The following CACHD1 variants were observed in gnomAD, a reference collection of about 807,000 sequenced individuals.
CACHD1 encodes the protein VWFA and cache domain-containing protein 1.
A neutral mutation model predicts 138.7 loss-of-function variants in CACHD1; 71 were observed. The ratio of observed to expected loss-of-function variants is 0.51; its 90% CI spans 0.42 to 0.62. The LOEUF is 0.62. Among genes scored for constraint, CACHD1 ranks in the 20% least tolerant of loss-of-function variants. CACHD1 has a pLI of 0.00. For synonymous variants in CACHD1, 578 were observed against 591.5 expected (o/e 0.98, Z 0.33); for missense variants, 1,389 against 1,625.3 (o/e 0.85, Z 2.50).
intron 1 of CACHD1, among the ~76,000 whole-genome samples, chr1:64,503,410 CAA>C (rs1359823037): frequency 6.6e-6 from 1 of 152,068 alleles, no homozygotes; most frequent in African/African-American, 2.4e-5. Flanking sequence ...CAAAACAAAA[CAA>C]AACTCCAAAA....
chr1:64,609,183 C>G (rs991630155), intron 4 of CACHD1, among the ~76,000 whole-genome samples: 22 of 152,150 alleles, frequency 1.4e-4, no homozygotes, highest in African/African-American at 5.3e-4. Flanking sequence ...ATAGGTTTTT[C>G]TCTTTAAAAT....
chr1:64,494,979 G>A (rs566550468), intron 1 of CACHD1, among the ~76,000 whole-genome samples: 1 of 152,114 alleles, frequency 6.6e-6, no homozygotes, highest in Non-Finnish European at 1.5e-5. Context: ...TTTGCTGTTG[G>A]CATAAATCTT....
chr1:64,533,005 G>T (rs921568110), intron 1 of CACHD1, among the ~76,000 whole-genome samples: 13 of 151,962 alleles, frequency 8.6e-5, no homozygotes, highest in African/African-American at 1.7e-4. Context: ...GAATTCTGTA[G>T]GATTAGGACA....
chr1:64,681,374 G>A, intron 25 of CACHD1, 39 bp downstream of exon 25: 2 of 1,465,944 alleles, frequency 1.4e-6, no homozygotes, highest in Non-Finnish European at 1.9e-6. Flanking sequence ...TGTGTCAGCA[G>A]GAGGCTAATC....
intron 13 of CACHD1, 102 bp downstream of exon 13, chr1:64,658,975 G>T: frequency 2.0e-6 from 2 of 1,000,906 alleles, no homozygotes; most frequent in Non-Finnish European, 2.8e-6. Flanking sequence ...GATACTGAAT[G>T]CCTGCAGAGT....
chr1:64,543,397 A>G (rs1646692012), intron 1 of CACHD1, among the ~76,000 whole-genome samples: 2 of 79,672 alleles, frequency 2.5e-5, no homozygotes, highest in Admixed American at 3.8e-4. Flanking sequence ...CTCTAAAAAA[A>G]AATACATATA....
At chr1:64,675,364 GCTGT>G (rs1649950163) in intron 19 of CACHD1, 33 bp from the exon 20 acceptor site, 1 of 1,513,368 alleles carries the variant, frequency 6.6e-7, no homozygotes, top group East Asian at 2.3e-5. Flanking sequence ...TCTTTGCATT[GCTGT>G]CTGTCATTTC....
At chr1:64,568,565 C>G (rs1021604992) in intron 2 of CACHD1, among the ~76,000 whole-genome samples, 1 of 152,148 alleles carries the variant, frequency 6.6e-6, no homozygotes, top group Non-Finnish European at 1.5e-5. Context: ...TTGGAGCCAT[C>G]TTGTTTCTAT....
At chr1:64,687,289 T>C (rs945900531) in intron 26 of CACHD1, among the ~76,000 whole-genome samples, 3 of 152,348 alleles carry the variant, frequency 2.0e-5, no homozygotes, top group South Asian at 2.1e-4. Context: ...ATTAATTTGT[T>C]GAATACGAAA....
At chr1:64,670,831 G>C (rs1161819368) in intron 16 of CACHD1, among the ~76,000 whole-genome samples, 1 of 152,138 alleles carries the variant, frequency 6.6e-6, no homozygotes, top group Non-Finnish European at 1.5e-5. Context: ...AACTTAGAAA[G>C]GTGAAACAGC....
intron 26 of CACHD1, 30 bp from the exon 27 acceptor site, chr1:64,691,293 A>G: frequency 6.3e-7 from 1 of 1,599,560 alleles, no homozygotes; most frequent in Non-Finnish European, 8.6e-7. Context: ...TGAAGCTCTC[A>G]GCTGTGTGTT....
At chr1:64,500,829 C>A (rs1646335544) in intron 1 of CACHD1, among the ~76,000 whole-genome samples, 1 of 151,722 alleles carries the variant, frequency 6.6e-6, no homozygotes, top group Non-Finnish European at 1.5e-5. Flanking sequence ...GGGTGGATCA[C>A]CTGAGCTCAG....
At chr1:64,589,662 T>C (rs1647082380) in intron 3 of CACHD1, among the ~76,000 whole-genome samples, 1 of 152,124 alleles carries the variant, frequency 6.6e-6, no homozygotes, top group Non-Finnish European at 1.5e-5. Flanking sequence ...ACAGAACGTC[T>C]GTCATTGTTC....
intron 19 of CACHD1, among the ~76,000 whole-genome samples, chr1:64,674,464 C>T (rs1222256505): frequency 6.6e-6 from 1 of 152,180 alleles, no homozygotes; most frequent in Non-Finnish European, 1.5e-5. Flanking sequence ...AGATACTTCT[C>T]AAAAGGCAAA....
At chr1:64,609,982 C>T (rs536400991) in intron 4 of CACHD1, among the ~76,000 whole-genome samples, 1 of 150,468 alleles carries the variant, frequency 6.6e-6, no homozygotes, top group South Asian at 2.1e-4. Flanking sequence ...AACTTACAAT[C>T]ATGACTGAAG....
intron 22 of CACHD1, among the ~76,000 whole-genome samples, chr1:64,677,431 C>T (rs566327543): frequency 6.6e-6 from 1 of 152,302 alleles, no homozygotes; most frequent in African/African-American, 2.4e-5. Context: ...TCTCCCCACT[C>T]CTCAGGTGGG....
chr1:64,478,217 A>G (rs1374419879), intron 1 of CACHD1, among the ~76,000 whole-genome samples: 1 of 152,166 alleles, frequency 6.6e-6, no homozygotes, highest in Non-Finnish European at 1.5e-5. Context: ...CCAGCCTTCC[A>G]GTTGTAATGC....
intron 12 of CACHD1, among the ~76,000 whole-genome samples, chr1:64,656,661 A>G (rs1004636891): frequency 6.6e-6 from 1 of 152,084 alleles, no homozygotes; most frequent in Non-Finnish European, 1.5e-5. Flanking sequence ...TATTCTTCTT[A>G]GGCAAATTCG....
intron 1 of CACHD1, among the ~76,000 whole-genome samples, chr1:64,533,331 G>A (rs1557479732): frequency 6.6e-6 from 1 of 152,238 alleles, no homozygotes; most frequent in Non-Finnish European, 1.5e-5. Flanking sequence ...ACTCCAGCCT[G>A]GGTGACAGAG....
Sources: allele counts gnomAD v4.1 joint callset (sites outside exome capture counted in the v4.1 genomes callset), GRCh38; gene constraint gnomAD v4.1.1; transcripts MANE v1.5; gene names NCBI Gene and HGNC (gene_info 2026-07-23, HGNC 2026-07-21).